Variants in GPR39 observed in about 807,000 individuals in gnomAD.
GPR39 encodes G protein-coupled receptor 39, also known as zinc sensing receptor.
A neutral mutation model predicts 18.4 loss-of-function variants in GPR39; 23 were observed. The ratio of observed to expected loss-of-function variants is 1.25; its 90% CI spans 0.90 to 1.77. The LOEUF is 1.77. Ranked by LOEUF, GPR39 falls within the 40% of genes most tolerant of loss-of-function variation. GPR39 has a pLI of 0.00. For synonymous variants in GPR39, 280 were observed against 257.9 expected (o/e 1.09, Z -0.82); for missense variants, 647 against 602.4 (o/e 1.07, Z -0.78).
At chr2:132,587,075 A>T (rs910938337) in intron 1 of GPR39, among the ~76,000 whole-genome samples, 16 of 152,206 alleles carry the variant, frequency 1.1e-4, no homozygotes, top group Non-Finnish European at 1.8e-4. Context: ...CACAGTTAAA[A>T]TTTGTAAAGG....
At chr2:132,630,269 C>G (rs1681624752) in intron 1 of GPR39, among the ~76,000 whole-genome samples, 2 of 152,234 alleles carry the variant, frequency 1.3e-5, no homozygotes, top group South Asian at 4.2e-4. Context: ...ACAGGAAGGC[C>G]TAACAAGGAG....
chr2:132,640,081 G>A (rs531048359), intron 1 of GPR39, among the ~76,000 whole-genome samples: 2 of 152,230 alleles, frequency 1.3e-5, no homozygotes, highest in African/African-American at 2.4e-5. Context: ...TGGTCTCAAG[G>A]TCTCCTCTTG....
intron 1 of GPR39, among the ~76,000 whole-genome samples, chr2:132,591,078 C>G (rs564712572): frequency 2.7e-5 from 4 of 149,598 alleles, no homozygotes; most frequent in African/African-American, 9.9e-5. Flanking sequence ...GGTGAAACCC[C>G]GTCTCTACTA....
chr2:132,586,814 T>C (rs1199741557), intron 1 of GPR39, among the ~76,000 whole-genome samples: 1 of 152,262 alleles, frequency 6.6e-6, no homozygotes, highest in Non-Finnish European at 1.5e-5. Flanking sequence ...GGATTCTCGA[T>C]GTCTTTCTTC....
chr2:132,619,566 G>GC (rs1213331214), intron 1 of GPR39, among the ~76,000 whole-genome samples: 1 of 152,146 alleles, frequency 6.6e-6, no homozygotes, highest in Non-Finnish European at 1.5e-5. Context: ...GGGCAGGAAG[G>GC]CTGACGGCTT....
chr2:132,532,578 T>C (rs1015615038), intron 1 of GPR39, among the ~76,000 whole-genome samples: 3 of 152,242 alleles, frequency 2.0e-5, no homozygotes, highest in Non-Finnish European at 2.9e-5. Context: ...TTGATGAACA[T>C]TGATGCAAAC....
chr2:132,417,327 C>A lies in GPR39; in HGVS notation c.285C>A (p.Ile95=). The change falls in exon 1 of 2, where the codon ATC becomes ATA. Residue 95 remains isoleucine, a synonymous_variant. Coordinates refer to ENST00000329321, the MANE Select transcript of GPR39 (RefSeq NM_001508.3). ...TGCCCATGGAGTTCTACAGCATCAT[C>A]TGGAATCCCCTGACCACGTCCAGCT... ...IGMPMEFYSI[I]WNPLTTSSYT... is the part of the protein sequence containing the mutation. 1.9e-6 allele frequency: 3 copies of A among 1,614,186 alleles called. No individual in the cohort carries two copies. The highest frequency in any genetic ancestry group is 2.5e-6 in the Non-Finnish European group (3 of 1,180,024).
intron 1 of GPR39, among the ~76,000 whole-genome samples, chr2:132,533,692 C>G (rs968404958): frequency 5.9e-5 from 9 of 152,096 alleles, no homozygotes. Context: ...AATAATGCTG[C>G]ATATCTACAA....
intron 1 of GPR39, among the ~76,000 whole-genome samples, chr2:132,490,555 A>G (rs1250352907): frequency 2.0e-5 from 3 of 151,968 alleles, no homozygotes; most frequent in Non-Finnish European, 4.4e-5. Context: ...CTAGTCGGAG[A>G]GACAGGAAGA....
intron 1 of GPR39, among the ~76,000 whole-genome samples, chr2:132,425,808 G>A (rs1558795144): frequency 6.6e-6 from 1 of 152,076 alleles, no homozygotes. Flanking sequence ...AGCTGGCAGA[G>A]AATATAGGTA....
chr2:132,474,634 A>G lies in GPR39; in HGVS notation c.856+56736A>G, dbSNP rs1573619788. ...CAACACCCTAGTCAACTGCCCATCT[A>G]TCTTGCCCCTTGAAACACCATCACC... On this transcript the variant is annotated intron_variant, in intron 1 of 1. Transcript: ENST00000329321. Among the ~76,000 whole-genome samples, 3 of 152,304 alleles carry G rather than the reference A, an allele frequency of 2.0e-5. 1 individual carries two copies.
At chr2:132,633,129 A>G (rs773075959) in intron 1 of GPR39, among the ~76,000 whole-genome samples, 2 of 152,106 alleles carry the variant, frequency 1.3e-5, no homozygotes, top group Admixed American at 6.5e-5. Flanking sequence ...TAACCAGATG[A>G]CCAGGCAGTT....
chr2:132,463,444 T>G (rs1423673401), intron 1 of GPR39, among the ~76,000 whole-genome samples: 1 of 151,584 alleles, frequency 6.6e-6, no homozygotes, highest in African/African-American at 2.4e-5. Flanking sequence ...TTTTTTGGTC[T>G]TCTTTAAGGC....
chr2:132,418,534 A>G (rs1422176577), intron 1 of GPR39: 1 of 152,178 alleles, frequency 6.6e-6, no homozygotes, highest in Non-Finnish European at 1.5e-5. Flanking sequence ...GACCAGAGCA[A>G]CCTGGCAGGA....
At chr2:132,617,405 C>G (rs1180699377) in intron 1 of GPR39, among the ~76,000 whole-genome samples, 1 of 152,058 alleles carries the variant, frequency 6.6e-6, no homozygotes, top group Admixed American at 6.5e-5. Flanking sequence ...CTACTTGAAC[C>G]TCATTAATAT....
intron 1 of GPR39, among the ~76,000 whole-genome samples, chr2:132,463,929 C>T (rs1164298859): frequency 6.6e-6 from 1 of 152,160 alleles, no homozygotes; most frequent in Non-Finnish European, 1.5e-5. Flanking sequence ...TCTTCATCCT[C>T]TAGGAGGCCA....
chr2:132,540,797 C>A (rs1025686915), intron 1 of GPR39, among the ~76,000 whole-genome samples: 1 of 152,148 alleles, frequency 6.6e-6, no homozygotes, highest in Non-Finnish European at 1.5e-5. Flanking sequence ...GCACCCATAT[C>A]CTCTTGCTCG....
chr2:132,547,931 T>A (rs1335879158), intron 1 of GPR39, among the ~76,000 whole-genome samples: 1 of 152,208 alleles, frequency 6.6e-6, no homozygotes, highest in Non-Finnish European at 1.5e-5. Flanking sequence ...AAATGACTTT[T>A]ATGATAGATG....
chr2:132,461,051 G>C (rs908136008), intron 1 of GPR39, among the ~76,000 whole-genome samples: 3 of 152,194 alleles, frequency 2.0e-5, no homozygotes, highest in Non-Finnish European at 1.5e-5. Context: ...TGAGTAACTT[G>C]GAGGATGTGG....
Sources: gnomAD v4.1 joint callset for allele counts (sites outside exome capture counted in the v4.1 genomes callset) on GRCh38, gnomAD v4.1.1 for gene constraint, MANE v1.5 for transcripts, NCBI Gene and HGNC (gene_info 2026-07-23, HGNC 2026-07-21) for gene names.